TRAF5: variants seen among roughly 807,000 people sequenced by gnomAD.
TRAF5 encodes the protein TNF receptor associated factor 5, also known as TNF receptor-associated factor 5.
Under a neutral mutation model 64.5 loss-of-function variants are expected in TRAF5, and 48 were observed. The observed-to-expected ratio is 0.74, with a 90% CI of 0.59 to 0.95. The LOEUF is 0.95. TRAF5 is among the 40% of genes least tolerant of loss of function. The pLI is 0.00. For missense variants in TRAF5, 545 were observed against 662.8 expected, an observed-to-expected ratio of 0.82 and a Z score of 1.95; for synonymous variants, 206 against 240.5, an observed-to-expected ratio of 0.86 and a Z score of 1.33.
intron 7 of TRAF5, among the ~76,000 whole-genome samples, chr1:211,364,508 A>C (rs1307869084): frequency 1.3e-5 from 2 of 151,952 alleles, no homozygotes; most frequent in Admixed American, 6.6e-5. Flanking sequence ...AATATGGTGA[A>C]ACCCCCGTCT....
chr1:211,339,472 T>C (rs1702388548), intron 1 of TRAF5, among the ~76,000 whole-genome samples: 1 of 152,214 alleles, frequency 6.6e-6, no homozygotes, highest in Admixed American at 6.5e-5. Flanking sequence ...TAAGTTTCAC[T>C]GTGAAACAGT....
upstream of TRAF5, chr1:211,326,749 C>T (rs1427040782): frequency 1.0e-6 from 1 of 985,392 alleles, no homozygotes; most frequent in Non-Finnish European, 1.2e-6. The surrounding 1 kb of genome is among the most constrained non-coding windows in gnomAD (Gnocchi z 5.0). Context: ...CGCTCTTCCC[C>T]TGCGCCCGCC....
intron 1 of TRAF5, among the ~76,000 whole-genome samples, chr1:211,333,833 C>T (rs1702222927): frequency 6.6e-6 from 1 of 152,008 alleles, no homozygotes; most frequent in African/African-American, 2.4e-5. Flanking sequence ...CCTGACTTGC[C>T]TATGCCTACC....
chr1:211,359,690 G>T, intron 4 of TRAF5: 1 of 474,322 alleles, frequency 2.1e-6, no homozygotes, highest in Admixed American at 3.6e-5. Context: ...CCCCAGCCAA[G>T]ACTGGCTTTC....
chr1:211,331,671 T>TG (rs1171571246), intron 1 of TRAF5, among the ~76,000 whole-genome samples: 1 of 137,758 alleles, frequency 7.3e-6, no homozygotes, highest in East Asian at 2.0e-4. Context: ...CAGGCCATCT[T>TG]TTTTTTTTTT....
At chr1:211,368,636 TA>T (rs1382590987) in intron 8 of TRAF5, among the ~76,000 whole-genome samples, 1 of 152,226 alleles carries the variant, frequency 6.6e-6, no homozygotes, top group Non-Finnish European at 1.5e-5. Context: ...GTTGTCATGT[TA>T]AAAGTTAAAA....
chr1:211,329,555 C>G (rs1177672862), intron 1 of TRAF5, among the ~76,000 whole-genome samples: 1 of 152,210 alleles, frequency 6.6e-6, no homozygotes, highest in African/African-American at 2.4e-5. Context: ...AATCCCAAGT[C>G]TTCTTTCTCC....
chr1:211,352,773 G>T (rs1702833434), intron 1 of TRAF5, among the ~76,000 whole-genome samples: 1 of 152,162 alleles, frequency 6.6e-6, no homozygotes. Flanking sequence ...TCAATGTCTG[G>T]TAAACGCTTG....
At chr1:211,354,504 G>A (rs369182907) in intron 3 of TRAF5, 37 bp downstream of exon 3, 1 of 1,604,890 alleles carries the variant, frequency 6.2e-7, no homozygotes, top group African/African-American at 1.3e-5. Context: ...CAGCTCTCAG[G>A]GTGATGGAGA....
intron 1 of TRAF5, among the ~76,000 whole-genome samples, chr1:211,345,091 A>G (rs942157044): frequency 6.6e-6 from 1 of 152,068 alleles, no homozygotes; most frequent in Non-Finnish European, 1.5e-5. Flanking sequence ...GCTAATTTGT[A>G]TTCTTAGTAG....
chr1:211,360,524 TTTAA>T, intron 5 of TRAF5, 174 bp from the exon 6 acceptor site: 1 of 546,526 alleles, frequency 1.8e-6, no homozygotes. Context: ...AATTTAATAT[TTTAA>T]TTAAGTTCAT....
intron 1 of TRAF5, among the ~76,000 whole-genome samples, chr1:211,348,257 A>C (rs796703567): frequency 1.3e-5 from 2 of 152,190 alleles, no homozygotes; most frequent in South Asian, 4.1e-4. Flanking sequence ...CTTCTCACTA[A>C]TTCTTTTGTT....
chr1:211,346,534 A>G (rs1702611593), intron 1 of TRAF5: 1 of 763,946 alleles, frequency 1.3e-6, no homozygotes, highest in African/African-American at 1.9e-5. Flanking sequence ...AACCCTGAAG[A>G]CAAATTTTGT....
chr1:211,371,297 G>A lies in TRAF5; in HGVS notation c.931-5G>A. On this transcript the variant is annotated splice_region_variant and splice_polypyrimidine_tract_variant and intron_variant, in intron 9 of 10. Coordinates refer to ENST00000261464, the MANE Select transcript of TRAF5 (RefSeq NM_001033910.3). ...TAAACATGATTATCCATTTTGTAATGAAAGGTTTTTGCCAGTCACATTGAC... is the reference window on the plus strand; with the variant it reads ...TAAACATGATTATCCATTTTGTAATAAAAGGTTTTTGCCAGTCACATTGAC... The A allele has an allele frequency of 6.4e-7, 1 of 1,570,382 alleles. No individual in the cohort carries two copies. The highest frequency in any genetic ancestry group is 8.6e-7 in the Non-Finnish European group (1 of 1,166,766).
intron 7 of TRAF5, 140 bp downstream of exon 7, chr1:211,361,302 C>G (rs1027604565): frequency 1.4e-6 from 1 of 711,628 alleles, no homozygotes; most frequent in African/African-American, 1.8e-5. Flanking sequence ...TTAGAGTTCT[C>G]CAGAGAAACA....
At chr1:211,353,689 T>C in intron 2 of TRAF5, 1 of 543,680 alleles carries the variant, frequency 1.8e-6, no homozygotes, top group Non-Finnish European at 3.3e-6. Flanking sequence ...GTACCTGCTT[T>C]GCATGGGACA....
chr1:211,355,139 C>T (rs376182132), intron 3 of TRAF5, among the ~76,000 whole-genome samples: 1 of 151,602 alleles, frequency 6.6e-6, no homozygotes, highest in Admixed American at 6.6e-5. Context: ...TGCCACTGCA[C>T]TCCAGCCTGG....
chr1:211,345,240 G>A (rs1437816990), intron 1 of TRAF5, among the ~76,000 whole-genome samples: 1 of 152,076 alleles, frequency 6.6e-6, no homozygotes, highest in African/African-American at 2.4e-5. Flanking sequence ...ATTTTTTGTA[G>A]AGATGGGGTT....
chr1:211,362,083 T>C (rs1703205180), intron 7 of TRAF5, among the ~76,000 whole-genome samples: 1 of 152,180 alleles, frequency 6.6e-6, no homozygotes, highest in African/African-American at 2.4e-5. Context: ...CCTGGTTTTA[T>C]GGTGATATAC....
Sources: allele counts gnomAD v4.1 joint callset (sites outside exome capture counted in the v4.1 genomes callset), GRCh38; gene constraint gnomAD v4.1.1; non-coding constraint Gnocchi (gnomAD v3.1); transcripts MANE v1.5; gene names NCBI Gene and HGNC (gene_info 2026-07-23, HGNC 2026-07-21).